The following ARHGAP17 variants were observed in gnomAD, a reference collection of about 807,000 sequenced individuals.
The protein encoded by ARHGAP17 is Rho GTPase activating protein 17, also known as rho GTPase-activating protein 17.
In ARHGAP17, 57 loss-of-function variants were observed where a neutral mutation model predicts 99.5. The observed-to-expected ratio is 0.57, with a 90% CI of 0.46 to 0.71. The LOEUF is 0.71. Among genes scored for constraint, ARHGAP17 ranks in the 30% least tolerant of loss-of-function variants. The pLI is 0.00. For synonymous variants in ARHGAP17, 417 were observed against 429.6 expected (o/e 0.97, Z 0.36); for missense variants, 1,000 against 1,122.4 (o/e 0.89, Z 1.56).
At chr16:24,943,299 G>A (rs1196454579) in intron 15 of ARHGAP17, among the ~76,000 whole-genome samples, 1 of 152,192 alleles carries the variant, frequency 6.6e-6, no homozygotes, top group East Asian at 1.9e-4. Context: ...AATCTAGCTA[G>A]AGAAACAAGC....
Position 24,970,562 on chromosome 16 carries a change from C to T in ARHGAP17, c.217G>A (p.Ala73Thr). Reference sequence around the variant, plus strand: ...GCTTCTTGCATATTTTGAGCAAGAGCTGTCAGAGGCAGTTTTTTCTGGAAG... The same window carrying T: ...GCTTCTTGCATATTTTGAGCAAGAGTTGTCAGAGGCAGTTTTTTCTGGAAG... ...ERRHKKLPLT[A>T]LAQNMQEAST... The change falls in exon 4 of 20, where the codon GCT becomes ACT. Residue 73 changes from alanine (A) to threonine (T), a missense_variant. Coordinates refer to ENST00000289968, the MANE Select transcript of ARHGAP17 (RefSeq NM_001006634.3). 2.5e-6 allele frequency: 4 copies of T among 1,614,186 alleles called. No individual in the cohort carries two copies. Among genetic ancestry groups the T allele is most frequent in the Non-Finnish European group, 3.4e-6 (4 of 1,179,992 alleles).
intron 1 of ARHGAP17, among the ~76,000 whole-genome samples, chr16:24,997,335 C>A (rs981461559): frequency 6.6e-6 from 1 of 150,864 alleles, no homozygotes; most frequent in African/African-American, 2.4e-5. Context: ...AGTACACACC[C>A]GGACACATAT....
chr16:24,998,149 A>C (rs1023403590), intron 1 of ARHGAP17, among the ~76,000 whole-genome samples: 1 of 152,004 alleles, frequency 6.6e-6, no homozygotes, highest in Non-Finnish European at 1.5e-5. Context: ...CTGATGATGC[A>C]AACTGGGCCC....
At position 24,953,158 on chromosome 16, in the gene ARHGAP17, G is replaced by T. The variant is rs575866844; in HGVS notation, c.853-116C>A. The T allele has an allele frequency of 2.2e-5, 20 of 903,476 alleles. No homozygotes were observed. In the African/African-American group the frequency reaches 2.8e-4, roughly 13 times the overall value. 56.0% of individuals were successfully genotyped at this position (903,476 alleles called of 1,614,324 possible). On this transcript the variant is annotated intron_variant, in intron 10 of 19. Transcript: ENST00000289968. ...CGCTCACCTCCTGTCTATGAAAGCA[G>T]TGTTACTGCCTGCCCTGCAGGGCTG...
At chr16:24,942,241 G>A in intron 15 of ARHGAP17, 98 bp from the exon 16 acceptor site, 2 of 1,231,868 alleles carry the variant, frequency 1.6e-6, no homozygotes, top group Non-Finnish European at 2.2e-6. Context: ...TCGTTCTTCA[G>A]TCCACAGCCC....
intron 2 of ARHGAP17, among the ~76,000 whole-genome samples, chr16:24,977,916 T>C (rs1253708410): frequency 6.6e-6 from 1 of 152,214 alleles, no homozygotes; most frequent in Non-Finnish European, 1.5e-5. Context: ...AGCAGGCCCT[T>C]TGGGATGCTT....
chr16:24,991,925 A>G (rs2141431390), intron 1 of ARHGAP17, among the ~76,000 whole-genome samples: 2 of 152,354 alleles, frequency 1.3e-5, no homozygotes, highest in Admixed American at 6.5e-5. Context: ...GGAGCTCATG[A>G]GAAAAAAAGG....
intron 11 of ARHGAP17, 77 bp from the exon 12 acceptor site, chr16:24,952,447 T>C: frequency 8.9e-7 from 1 of 1,128,192 alleles, no homozygotes; most frequent in Admixed American, 2.0e-5. Flanking sequence ...TTTTGCAAAT[T>C]GAAATGATCT....
chr16:24,962,146 TACAC>T (rs137990574), intron 7 of ARHGAP17, among the ~76,000 whole-genome samples: 1 of 148,966 alleles, frequency 6.7e-6, no homozygotes, highest in African/African-American at 2.5e-5. Flanking sequence ...AACCCCACCA[TACAC>T]ACACACACAC....
chr16:24,942,284 A>C, intron 15 of ARHGAP17, 141 bp from the exon 16 acceptor site: 1 of 782,356 alleles, frequency 1.3e-6, no homozygotes. Context: ...CCAGGCACTC[A>C]CATCGCAAGA....
chr16:25,004,404 T>A (rs776151392), intron 1 of ARHGAP17, among the ~76,000 whole-genome samples: 1 of 152,166 alleles, frequency 6.6e-6, no homozygotes, highest in African/African-American at 2.4e-5. Context: ...TCTGGTGAAG[T>A]AGAAACACTT....
At chr16:24,969,034 T>C (rs192365790) in intron 4 of ARHGAP17, among the ~76,000 whole-genome samples, 2 of 152,328 alleles carry the variant, frequency 1.3e-5, no homozygotes, top group Non-Finnish European at 2.9e-5. Context: ...AACAAATTAC[T>C]CAAGAATTAA....
chr16:24,930,846 A>C lies in ARHGAP17; in HGVS notation c.2453T>G (p.Val818Gly), dbSNP rs770414926. The C allele has an allele frequency of 1.9e-6, 3 of 1,613,794 alleles. No individual in the cohort carries two copies. The highest frequency in any genetic ancestry group is 2.7e-5 in the African/African-American group (2 of 74,908). ...GAGGCTGCTGTCCCCAGCTGAGTGG[A>C]CACCAGGAGGTTGGGGGGGTGGGGG... ...SVPPPPQPPG[V>G]HSAGDSSLTN... Residue 818 changes from valine to glycine, a missense_variant, in exon 19 of 20, where the codon GTC becomes GGC. Transcript: ENST00000289968.
intron 6 of ARHGAP17, among the ~76,000 whole-genome samples, chr16:24,966,757 C>A (rs1019639233): frequency 6.6e-6 from 1 of 152,078 alleles, no homozygotes; most frequent in South Asian, 2.1e-4. Flanking sequence ...GCACTCCAGC[C>A]CAGGTGACAG....
chr16:24,978,424 G>A (rs577187629), intron 2 of ARHGAP17, among the ~76,000 whole-genome samples: 1 of 152,236 alleles, frequency 6.6e-6, no homozygotes, highest in South Asian at 2.1e-4. Context: ...TGCCCCGCTG[G>A]GATGCACAGC....
chr16:24,931,340 G>GC lies in ARHGAP17; in HGVS notation c.1958dup (p.Gln654ProfsTer79), dbSNP rs775132126. The stretch of plus-strand genomic sequence containing the variant: ...GCTGAGATGTTCCTGAAGAACTCTG[G>GC]CCCCCGGGGTGGCCAGGAGGTGGGT... On this transcript the variant is annotated frameshift_variant, in exon 19 of 20. Transcript: ENST00000289968. LOFTEE classifies it high-confidence loss of function. 6.6e-7 allele frequency: 1 copy of GC among 1,508,548 alleles called. No homozygotes were observed. Among genetic ancestry groups the GC allele is most frequent in the South Asian group, 1.4e-5 (1 of 73,846 alleles). The allele number at this position is 1,508,548 out of a possible 1,614,324, so 93.4% of individuals were successfully genotyped here.
At chr16:24,982,268 G>A (rs1006359917) in intron 1 of ARHGAP17, among the ~76,000 whole-genome samples, 3 of 152,010 alleles carry the variant, frequency 2.0e-5, no homozygotes, top group African/African-American at 7.3e-5. Flanking sequence ...GCCAGATGTG[G>A]TGCCACACAC....
In ARHGAP17 at chr16:24,949,285, G is replaced by GT. The variant is rs574282969; in HGVS notation, c.1127+118dup. On this transcript the variant is annotated intron_variant, in intron 13 of 19. Coordinates refer to ENST00000289968, the MANE Select transcript of ARHGAP17 (RefSeq NM_001006634.3). ...CCAAGTTACTCTCCAAAGTGATGTGGTTTTTTTTGTTGTTGTTGTTGTTTT... is the reference window on the plus strand; with the variant it reads ...CCAAGTTACTCTCCAAAGTGATGTGGTTTTTTTTTGTTGTTGTTGTTGTTTT... 1,439 of 715,042 alleles carry GT rather than the reference G, an allele frequency of 2.0e-3. 1 individual carries two copies. The highest frequency in any genetic ancestry group is 2.7e-3 in the Non-Finnish European group (1,196 of 446,684). The allele number at this position is 715,042 out of a possible 1,614,324, so 44.3% of individuals were successfully genotyped here. A position where few individuals can be genotyped will look rare whatever the true frequency, so the allele number is the denominator to read the frequency against.
At chr16:25,011,980 C>T (rs1033580080) in intron 1 of ARHGAP17, among the ~76,000 whole-genome samples, 11 of 152,136 alleles carry the variant, frequency 7.2e-5, no homozygotes, top group Non-Finnish European at 1.6e-4. Flanking sequence ...TTAGCCATCC[C>T]TCTTAAGCAC....
Sources: gnomAD v4.1 joint callset for allele counts (sites outside exome capture counted in the v4.1 genomes callset) on GRCh38, gnomAD v4.1.1 for gene constraint, MANE v1.5 for transcripts, NCBI Gene and HGNC (gene_info 2026-07-23, HGNC 2026-07-21) for gene names.